Variants in PREPL observed in about 807,000 individuals in gnomAD.
PREPL encodes prolyl endopeptidase like.
Under a neutral mutation model 70.6 loss-of-function variants are expected in PREPL, and 77 were observed. The observed-to-expected ratio is 1.09, with a 90% CI of 0.91 to 1.32. PREPL has a LOEUF of 1.32. PREPL is among the 40% of genes most tolerant of loss of function. The pLI, the probability that PREPL is intolerant of heterozygous loss-of-function variation, is 0.00. For missense variants in PREPL, 1,002 were observed against 778.2 expected (o/e 1.29, Z -3.42); for synonymous variants, 315 against 264.8 (o/e 1.19, Z -1.84).
At chr2:44,336,739 G>C (rs1480959250) in intron 7 of PREPL, among the ~76,000 whole-genome samples, 4 of 152,040 alleles carry the variant, frequency 2.6e-5, no homozygotes, top group Admixed American at 6.5e-5. Flanking sequence ...AAATTAGCAA[G>C]TGAAAAGAAA....
chr2:44,332,731 T>G, intron 7 of PREPL, 75 bp from the exon 8 acceptor site: 1 of 1,217,866 alleles, frequency 8.2e-7, no homozygotes. Context: ...CTAAGTCTTC[T>G]CCAAACAAGA....
chr2:44,332,395 T>G (rs1674206368), intron 8 of PREPL, 64 bp downstream of exon 8: 8 of 1,392,788 alleles, frequency 5.7e-6, no homozygotes, highest in Non-Finnish European at 2.0e-6. Flanking sequence ...AACAACTGCA[T>G]GGCATCTGGC....
intron 13 of PREPL, 166 bp from the exon 14 acceptor site, chr2:44,321,611 T>C: frequency 6.8e-7 from 1 of 1,480,190 alleles, no homozygotes; most frequent in Admixed American, 2.6e-5. Flanking sequence ...CAATTAAGAT[T>C]AAATTATTTT....
intron 1 of PREPL, chr2:44,359,760 C>G (rs778460533): frequency 2.2e-6 from 3 of 1,357,816 alleles, no homozygotes; most frequent in Non-Finnish European, 3.1e-6. Flanking sequence ...GCTGCCAGCA[C>G]ACGAATGATT....
intron 13 of PREPL, 130 bp downstream of exon 13, chr2:44,321,697 C>G: frequency 6.3e-7 from 1 of 1,574,932 alleles, no homozygotes; most frequent in South Asian, 1.2e-5. Flanking sequence ...CCCTCCCCTC[C>G]TGGGTCTCAC....
chr2:44,346,615 T>C (rs1262148572), intron 1 of PREPL, among the ~76,000 whole-genome samples: 1 of 152,170 alleles, frequency 6.6e-6, no homozygotes, highest in African/African-American at 2.4e-5. Context: ...ATTTGATGGT[T>C]ATACTATTAT....
Position 44,329,065 on chromosome 2 carries a change from C to T in PREPL, c.1134G>A (p.Glu378=), listed in dbSNP as rs1236476747. 6.2e-7 allele frequency: 1 copy of T among 1,611,428 alleles called. No homozygotes were observed. The highest frequency in any genetic ancestry group is 1.7e-5 in the Admixed American group (1 of 59,928). ...CCAAGAGAGGTTTCTTCTGCAAGTC[C>T]TCAGAGTCAGTTTTGTGGAAAACAG... ...PMTVFHKTDS[E]DLQKKPLLVH... Residue 378 remains glutamate (E), a synonymous_variant, in exon 9 of 14, where the codon GAG becomes GAA. Coordinates refer to ENST00000409411, the MANE Select transcript of PREPL (RefSeq NM_001171613.2).
At chr2:44,329,187 T>G in intron 8 of PREPL, 75 bp from the exon 9 acceptor site, 2 of 1,275,294 alleles carry the variant, frequency 1.6e-6, no homozygotes, top group Non-Finnish European at 2.2e-6. Flanking sequence ...TTAAAATACA[T>G]TGAGGTGCAC....
Position 44,343,910 on chromosome 2 carries a change from G to C in PREPL, c.184C>G (p.Leu62Val). The C allele has an allele frequency of 6.2e-7, 1 of 1,614,016 alleles. No homozygotes were observed. The highest frequency in any genetic ancestry group is 8.5e-7 in the Non-Finnish European group (1 of 1,179,950). The change falls in exon 4 of 14, where the codon CTT (leucine) becomes GTT (valine). Residue 62 changes from leucine to valine, a missense_variant. Leu to Val is a conservative substitution (Grantham distance 32). Transcript: ENST00000409411. ...NYEVLFNLEE[L>V]KLDQPFIDCI... ...TCAATGAAGGGCTGGTCTAACTTAA[G>C]TTCCTCCAAATTGAATAAAACTTCA...
intron 9 of PREPL, among the ~76,000 whole-genome samples, chr2:44,328,341 G>A (rs1220925002): frequency 7.2e-6 from 1 of 139,754 alleles, no homozygotes; most frequent in African/African-American, 2.7e-5. Flanking sequence ...GGAGCCTGAA[G>A]CATGAGAATC....
At position 44,321,462 on chromosome 2, in the gene PREPL, A is replaced by T. The variant is rs746448655; in HGVS notation, c.1828-17T>A. On this transcript the variant is annotated splice_polypyrimidine_tract_variant and intron_variant, in intron 13 of 13. Coordinates refer to ENST00000409411, the MANE Select transcript of PREPL (RefSeq NM_001171613.2). ...GGCTGTAATCTAAAAGAAACACATT[A>T]AAAAAATTAAATAGAAGGCCTTTGT... The T allele has an allele frequency of 6.7e-5, 107 of 1,604,848 alleles. 1 individual carries two copies. Among genetic ancestry groups the T allele is most frequent in the Non-Finnish European group, 7.2e-5 (84 of 1,173,018 alleles).
intron 1 of PREPL, among the ~76,000 whole-genome samples, chr2:44,350,156 T>A (rs1231849393): frequency 1.3e-5 from 2 of 152,114 alleles, no homozygotes; most frequent in African/African-American, 4.8e-5. Context: ...AAAAAATCAA[T>A]CTTATTCTAA....
chr2:44,326,773 C>T lies in PREPL; in HGVS notation c.1418G>A (p.Gly473Glu), dbSNP rs1473698904. 1.2e-6 allele frequency: 2 copies of T among 1,614,054 alleles called. No homozygotes were observed. Among genetic ancestry groups the T allele is most frequent in the African/African-American group, 1.3e-5 (1 of 74,914 alleles). ...LTTLTAFSAG[G>E]VLAGALCNSN... ...ATTACACAATGCTCCTGCAAGCACC[C>T]CTCCAGCACTGAAAGCAGTCAGGGT... is the stretch of plus-strand genomic sequence containing the variant. Residue 473 changes from glycine to glutamate, a missense_variant, in exon 10 of 14, where the codon GGG (glycine) becomes GAG (glutamate). Physicochemically the swap from Gly to Glu is moderately conservative, Grantham distance 98. Transcript: ENST00000409411.
At chr2:44,342,271 A>G in intron 5 of PREPL, 146 bp downstream of exon 5, 1 of 660,574 alleles carries the variant, frequency 1.5e-6, no homozygotes. Context: ...AATTTTGAAT[A>G]CAAACAACTA....
chr2:44,346,417 A>G, intron 1 of PREPL, 27 bp from the exon 2 acceptor site: 3 of 1,605,542 alleles, frequency 1.9e-6, no homozygotes, highest in South Asian at 2.2e-5. Flanking sequence ...TATGATCAAA[A>G]TATTTCAAAC....
chr2:44,320,812 G>A lies in PREPL; in HGVS notation c.*544C>T. 3.1e-6 allele frequency: 2 copies of A among 646,376 alleles called. No homozygotes were observed. The highest frequency in any genetic ancestry group is 1.9e-5 in the South Asian group (1 of 53,620). 40.0% of individuals were successfully genotyped at this position (646,376 alleles called of 1,614,324 possible). ...TCAAATGTTTTGAAAAAAATAAAAT[G>A]TTTAAAAGTAAATTATGGCTTATAG... On this transcript the variant is annotated 3_prime_UTR_variant, in exon 14 of 14. Coordinates refer to ENST00000409411, the MANE Select transcript of PREPL (RefSeq NM_001171613.2).
Position 44,319,769 on chromosome 2 carries a change from TAGTC to T in PREPL, c.*1583_*1586del, listed in dbSNP as rs1263183539. 1.2e-5 allele frequency: 2 copies of T among 166,894 alleles called. No homozygotes were observed. Among genetic ancestry groups the T allele is most frequent in the East Asian group, 3.3e-4 (2 of 6,148 alleles). The allele number at this position is 166,894 out of a possible 1,614,324, so 10.3% of individuals were successfully genotyped here. A position where few individuals can be genotyped will look rare whatever the true frequency, so the allele number is the denominator to read the frequency against. On this transcript the variant is annotated 3_prime_UTR_variant, in exon 14 of 14. Transcript: ENST00000409411. Reference sequence around the variant, plus strand: ...CTTCGCACAACAGCAACCTACACATTAGTCTACAAAGGGGAACAAACCCAAATTC... The same window carrying T: ...CTTCGCACAACAGCAACCTACACATTTACAAAGGGGAACAAACCCAAATTC...
chr2:44,336,718 TA>T (rs1674681382), intron 7 of PREPL, among the ~76,000 whole-genome samples: 1 of 152,048 alleles, frequency 6.6e-6, no homozygotes, highest in Non-Finnish European at 1.5e-5. Context: ...ATAATAATAT[TA>T]AAATTTTTAA....
chr2:44,332,524 C>T lies in PREPL; in HGVS notation c.1021G>A (p.Glu341Lys). 1 of 1,614,096 alleles carries T rather than the reference C, an allele frequency of 6.2e-7. No individual in the cohort carries two copies. The highest frequency in any genetic ancestry group is 1.1e-5 in the South Asian group (1 of 91,084). ...YKFAEGKLFE[E>K]TGHEDPITKT... is the part of the protein sequence containing the mutation. ...GTGATTGGGTCTTCATGCCCAGTTT[C>T]CTCAAACAGTTTGCCTTCTGCAAAC... The change falls in exon 8 of 14, where the codon GAA becomes AAA. Residue 341 changes from glutamate (E) to lysine (K), a missense_variant. Physicochemically the swap from Glu to Lys is moderately conservative, Grantham distance 56 (BLOSUM62 1). Transcript: ENST00000409411.
Sources: gnomAD v4.1 joint callset for allele counts (sites outside exome capture counted in the v4.1 genomes callset) on GRCh38, gnomAD v4.1.1 for gene constraint, MANE v1.5 for transcripts, NCBI Gene and HGNC (gene_info 2026-07-23, HGNC 2026-07-21) for gene names.